The following ZNF704 variants were observed in gnomAD, a reference collection of about 807,000 sequenced individuals.
ZNF704 encodes the protein zinc finger protein 704, also known as glucocorticoid induced gene 1.
A neutral mutation model predicts 44.7 loss-of-function variants in ZNF704; 10 were observed. The observed-to-expected ratio is 0.22, with a 90% CI of 0.14 to 0.38. The LOEUF (loss-of-function observed/expected upper bound fraction) is 0.38, where lower values mean the gene tolerates loss of function less well. Among genes scored for constraint, ZNF704 ranks in the 10% least tolerant of loss-of-function variants. ZNF704 has a pLI of 1.00. For missense variants in ZNF704, 390 were observed against 545.5 expected, an observed-to-expected ratio of 0.71 and a Z score of 2.84; for synonymous variants, 211 against 207.6, an observed-to-expected ratio of 1.02 and a Z score of -0.14.
At chr8:80,817,801 A>T (rs1162336223) in intron 2 of ZNF704, among the ~76,000 whole-genome samples, 2 of 152,228 alleles carry the variant, frequency 1.3e-5, no homozygotes, top group African/African-American at 4.8e-5. Context: ...GATGTTTCAA[A>T]TTAATAACTT....
chr8:80,861,121 C>T (rs1417639238), intron 1 of ZNF704, among the ~76,000 whole-genome samples: 1 of 152,178 alleles, frequency 6.6e-6, no homozygotes, highest in Non-Finnish European at 1.5e-5. Context: ...TGTAATTCAA[C>T]TCTGTTCACT....
chr8:80,703,738 G>C (rs1333601494), intron 2 of ZNF704, among the ~76,000 whole-genome samples: 1 of 152,188 alleles, frequency 6.6e-6, no homozygotes, highest in African/African-American at 2.4e-5. Flanking sequence ...GCCTCCCAAA[G>C]TGCTGGGATT....
intron 7 of ZNF704, among the ~76,000 whole-genome samples, chr8:80,656,286 G>A (rs938429290): frequency 1.1e-4 from 16 of 152,184 alleles, no homozygotes; most frequent in African/African-American, 3.1e-4. Flanking sequence ...TGGCCGACAC[G>A]TTGATTTGGA....
At chr8:80,703,218 A>G (rs1226616177) in intron 2 of ZNF704, among the ~76,000 whole-genome samples, 1 of 151,820 alleles carries the variant, frequency 6.6e-6, no homozygotes, top group Admixed American at 6.6e-5. Flanking sequence ...TCTCCTCTCC[A>G]TACCTGTGAA....
chr8:80,803,326 G>C lies in ZNF704; in HGVS notation c.221+18048C>G, dbSNP rs541244412. ...ACCATTGACATTCTTCACAGAATTA[G>C]AAAAAACTATTTTAAATTTCATATG... On this transcript the variant is annotated intron_variant, in intron 2 of 8. Coordinates refer to ENST00000327835, the MANE Select transcript of ZNF704 (RefSeq NM_001033723.3). Among the ~76,000 whole-genome samples, 19 of 152,198 alleles carry C rather than the reference G, an allele frequency of 1.2e-4. No homozygotes were observed. The South Asian group carries it at 3.5e-3, about 28-fold the overall frequency.
At chr8:80,687,004 G>A (rs1027743639) in intron 4 of ZNF704, among the ~76,000 whole-genome samples, 5 of 152,194 alleles carry the variant, frequency 3.3e-5, no homozygotes, top group Admixed American at 6.5e-5. Flanking sequence ...GATGGGATAC[G>A]TGTGTATATA....
chr8:80,758,973 G>T (rs1214148746), intron 2 of ZNF704, among the ~76,000 whole-genome samples: 1 of 152,268 alleles, frequency 6.6e-6, no homozygotes, highest in East Asian at 1.9e-4. Context: ...CAAGTAAGTG[G>T]CAAAGGAAGC....
chr8:80,698,724 G>A (rs74968843), intron 2 of ZNF704, among the ~76,000 whole-genome samples: 2,439 of 152,328 alleles, frequency 0.016, 69 homozygotes, highest in African/African-American at 0.056. Context: ...ACTACATGAA[G>A]AGGCAATCAG....
chr8:80,780,211 A>T (rs1444558894), intron 2 of ZNF704, among the ~76,000 whole-genome samples: 1 of 152,176 alleles, frequency 6.6e-6, no homozygotes, highest in African/African-American at 2.4e-5. Context: ...AAGAAGAAAG[A>T]GAAAGAAATG....
intron 1 of ZNF704, among the ~76,000 whole-genome samples, chr8:80,826,047 G>A (rs1457654895): frequency 6.7e-6 from 1 of 150,216 alleles, no homozygotes; most frequent in South Asian, 2.1e-4. Flanking sequence ...ACATCCAAAA[G>A]CTAGCAGAAG....
intron 4 of ZNF704, among the ~76,000 whole-genome samples, chr8:80,676,615 G>C (rs1818369645): frequency 6.6e-6 from 1 of 152,210 alleles, no homozygotes. Flanking sequence ...AAAGAGGGAA[G>C]GTTGTGTATG....
At chr8:80,665,678 G>GA (rs958496014) in intron 5 of ZNF704, among the ~76,000 whole-genome samples, 9 of 151,880 alleles carry the variant, frequency 5.9e-5, no homozygotes, top group Non-Finnish European at 1.2e-4. Flanking sequence ...TTCAACCTCT[G>GA]AAAACAGAGA....
chr8:80,676,243 T>G (rs370223715), intron 4 of ZNF704, among the ~76,000 whole-genome samples: 2 of 152,124 alleles, frequency 1.3e-5, no homozygotes, highest in Admixed American at 1.3e-4. Context: ...TTCAAGAAAT[T>G]TTGCTGACCT....
At chr8:80,740,724 ATTC>A (rs1386653244) in intron 2 of ZNF704, among the ~76,000 whole-genome samples, 2 of 152,102 alleles carry the variant, frequency 1.3e-5, no homozygotes, top group Admixed American at 6.5e-5. Flanking sequence ...CCAACTCTCA[ATTC>A]TTCTTTGCCT....
At chr8:80,766,016 T>C (rs985897076) in intron 2 of ZNF704, among the ~76,000 whole-genome samples, 7 of 152,176 alleles carry the variant, frequency 4.6e-5, no homozygotes, top group Non-Finnish European at 7.3e-5. Context: ...AAAAAAAGTT[T>C]AGTGAACTTT....
At chr8:80,643,466 G>A (rs1817777212) in intron 7 of ZNF704, among the ~76,000 whole-genome samples, 1 of 137,844 alleles carries the variant, frequency 7.3e-6, no homozygotes, top group African/African-American at 2.7e-5. Flanking sequence ...GCAGTGAGCT[G>A]AGATTGTGCC....
chr8:80,770,473 G>T (rs1279567493), intron 2 of ZNF704, among the ~76,000 whole-genome samples: 1 of 152,056 alleles, frequency 6.6e-6, no homozygotes, highest in Non-Finnish European at 1.5e-5. Flanking sequence ...TGTGCTAATT[G>T]CTTGTTCTGT....
At chr8:80,681,428 A>T (rs946960349) in intron 4 of ZNF704, among the ~76,000 whole-genome samples, 2 of 152,188 alleles carry the variant, frequency 1.3e-5, no homozygotes. Flanking sequence ...GAAATTCTAC[A>T]ACAGGCAGCA....
intron 1 of ZNF704, among the ~76,000 whole-genome samples, chr8:80,835,722 T>C (rs1159426348): frequency 2.0e-5 from 3 of 152,230 alleles, no homozygotes; most frequent in South Asian, 2.1e-4. Flanking sequence ...AGTGACTCTT[T>C]CACAGGACAG....
Sources: gnomAD v4.1 joint callset for allele counts (sites outside exome capture counted in the v4.1 genomes callset) on GRCh38, gnomAD v4.1.1 for gene constraint, MANE v1.5 for transcripts, NCBI Gene and HGNC (gene_info 2026-07-23, HGNC 2026-07-21) for gene names.